Variants in NEBL observed in about 807,000 individuals in gnomAD.
NEBL encodes nebulette.
A neutral mutation model predicts 140.2 loss-of-function variants in NEBL; 122 were observed. That is an observed-to-expected ratio of 0.87 (90% CI 0.75 to 1.01). The LOEUF is 1.01. Among genes scored for constraint, NEBL ranks in the 50% least tolerant of loss-of-function variants. The probability of loss-of-function intolerance (pLI) is 0.00; values close to 1 mark genes in which losing one functional copy is unlikely to be tolerated. For synonymous variants in NEBL, 436 were observed against 398.9 expected (o/e 1.09, Z -1.11); for missense variants, 1,365 against 1,231.3 (o/e 1.11, Z -1.62).
intron 3 of NEBL, among the ~76,000 whole-genome samples, chr10:21,238,102 T>C (rs985699957): frequency 2.6e-5 from 4 of 152,228 alleles, no homozygotes; most frequent in African/African-American, 9.6e-5. Context: ...TCTTCCTTGT[T>C]CTGGTCTGAT....
chr10:21,198,645 C>G (rs1450766301), intron 3 of NEBL, among the ~76,000 whole-genome samples: 1 of 152,142 alleles, frequency 6.6e-6, no homozygotes, highest in African/African-American at 2.4e-5. Flanking sequence ...TTGTGTCTGT[C>G]CCTCCATAAA....
At chr10:21,048,402 C>T (rs550658848) in intron 2 of NEBL, among the ~76,000 whole-genome samples, 6 of 139,166 alleles carry the variant, frequency 4.3e-5, no homozygotes, top group East Asian at 2.1e-4. Flanking sequence ...TCTCCCGGGG[C>T]GGTCTTCTTC....
chr10:20,875,718 TAGCCAGCC>T (rs575325601), intron 5 of NEBL, among the ~76,000 whole-genome samples: 2 of 151,728 alleles, frequency 1.3e-5, no homozygotes, highest in African/African-American at 2.4e-5. Flanking sequence ...GCAGGAGTGA[TAGCCAGCC>T]AGCCAGCCAG....
chr10:20,804,437 T>A (rs926741511), intron 26 of NEBL: 4 of 152,214 alleles, frequency 2.6e-5, no homozygotes, highest in South Asian at 2.1e-4. Flanking sequence ...AAGGTTCACA[T>A]GACTAACCCT....
intron 3 of NEBL, among the ~76,000 whole-genome samples, chr10:21,233,087 G>C (rs1468609795): frequency 6.6e-6 from 1 of 152,160 alleles, no homozygotes; most frequent in Non-Finnish European, 1.5e-5. Context: ...TATTGAGACA[G>C]AGTCTCACTC....
intron 2 of NEBL, among the ~76,000 whole-genome samples, chr10:21,075,157 T>C (rs1443785006): frequency 6.6e-6 from 1 of 152,104 alleles, no homozygotes; most frequent in Non-Finnish European, 1.5e-5. Flanking sequence ...AGAAAGTAGA[T>C]GAAAGAAATA....
chr10:21,082,639 C>T (rs1252555689), intron 2 of NEBL, among the ~76,000 whole-genome samples: 2 of 151,532 alleles, frequency 1.3e-5, no homozygotes, highest in African/African-American at 4.9e-5. Context: ...AATTCCGATG[C>T]CCATTTTGAT....
chr10:21,164,725 C>T (rs1012104372), intron 2 of NEBL, among the ~76,000 whole-genome samples: 1 of 152,166 alleles, frequency 6.6e-6, no homozygotes, highest in Non-Finnish European at 1.5e-5. Context: ...TTAGATGTTG[C>T]CAACGGTCCA....
At chr10:21,242,908 GA>G (rs1419132396) in intron 3 of NEBL, among the ~76,000 whole-genome samples, 1 of 152,078 alleles carries the variant, frequency 6.6e-6, no homozygotes, top group Non-Finnish European at 1.5e-5. Flanking sequence ...AGAACAGAAA[GA>G]AAAAAGCCAC....
chr10:20,901,578 G>T (rs1185934304), upstream of NEBL, among the ~76,000 whole-genome samples: 8 of 151,868 alleles, frequency 5.3e-5, no homozygotes, highest in South Asian at 1.5e-3. Flanking sequence ...AGTTCTGAGT[G>T]GGGGGAAAAA....
intron 3 of NEBL, among the ~76,000 whole-genome samples, chr10:21,228,146 CTTTG>C (rs1160487319): frequency 2.0e-5 from 3 of 150,190 alleles, no homozygotes; most frequent in Non-Finnish European, 3.0e-5. Flanking sequence ...GTTGCTATTT[CTTTG>C]TTTGTTTGCT....
At chr10:21,150,178 TA>T (rs1363044959) in intron 2 of NEBL, among the ~76,000 whole-genome samples, 2 of 152,212 alleles carry the variant, frequency 1.3e-5, no homozygotes, top group Non-Finnish European at 2.9e-5. Context: ...ACAAAATAAA[TA>T]AATAAAATAT....
chr10:21,155,098 C>G (rs1351278962), intron 2 of NEBL, among the ~76,000 whole-genome samples: 1 of 152,156 alleles, frequency 6.6e-6, no homozygotes, highest in Non-Finnish European at 1.5e-5. Context: ...ACTCCAGAGG[C>G]TGAGGGAGGA....
At chr10:21,106,654 A>T (rs941348187) in intron 2 of NEBL, among the ~76,000 whole-genome samples, 3 of 152,070 alleles carry the variant, frequency 2.0e-5, no homozygotes, top group African/African-American at 7.2e-5. Context: ...GCTTAGGATT[A>T]TCTTGGCTAT....
chr10:20,807,496 GT>G (rs1481285256), intron 26 of NEBL, among the ~76,000 whole-genome samples: 1 of 152,204 alleles, frequency 6.6e-6, no homozygotes, highest in Non-Finnish European at 1.5e-5. Context: ...GGTCAGTCCA[GT>G]TTTACAATTC....
At chr10:21,125,765 A>G (rs1159576781) in intron 2 of NEBL, 2 of 1,302,558 alleles carry the variant, frequency 1.5e-6, no homozygotes, top group East Asian at 2.3e-5. Flanking sequence ...AACAGAACTC[A>G]GGCTCATTTA....
At chr10:21,025,794 A>G (rs1803472399) in intron 2 of NEBL, among the ~76,000 whole-genome samples, 1 of 152,190 alleles carries the variant, frequency 6.6e-6, no homozygotes, top group South Asian at 2.1e-4. Context: ...TCTCATCTAT[A>G]AGAAAAACAT....
rs1588590374 is a variant in NEBL at position 20,787,315 on chromosome 10, G to A, written c.2762-7C>T. 1 of 1,601,280 alleles carries A rather than the reference G, an allele frequency of 6.2e-7. No homozygotes were observed. The highest frequency in any genetic ancestry group is 8.6e-7 in the Non-Finnish European group (1 of 1,169,474). ...GCTCCGGGAAGAACAGGTGCTGCAT[G>A]TTAAACATACACACACACAAAGATT... On this transcript the variant is annotated splice_region_variant and splice_polypyrimidine_tract_variant and intron_variant, in intron 26 of 27. Transcript: ENST00000377122.
At chr10:20,939,847 C>T (rs551008528) in intron 4 of NEBL, among the ~76,000 whole-genome samples, 23 of 152,304 alleles carry the variant, frequency 1.5e-4, no homozygotes, top group African/African-American at 5.5e-4. Flanking sequence ...AAGGCCATTA[C>T]ATAATGGTAA....
Sources: allele counts gnomAD v4.1 joint callset (sites outside exome capture counted in the v4.1 genomes callset), GRCh38; gene constraint gnomAD v4.1.1; transcripts MANE v1.5; gene names NCBI Gene and HGNC (gene_info 2026-07-23, HGNC 2026-07-21).